HSF2BP: variants seen among roughly 807,000 people sequenced by gnomAD.
The protein encoded by HSF2BP is heat shock factor 2-binding protein.
In HSF2BP, 35 loss-of-function variants were observed where a neutral mutation model predicts 35.0. The observed-to-expected ratio is 1.00, with a 90% CI of 0.76 to 1.32. HSF2BP has a LOEUF of 1.32. Ranked by LOEUF, HSF2BP falls within the 40% of genes most tolerant of loss-of-function variation. HSF2BP has a pLI of 0.00. For missense variants in HSF2BP, 326 were observed against 321.7 expected (o/e 1.01, Z -0.10); for synonymous variants, 114 against 117.4 (o/e 0.97, Z 0.18).
At chr21:43,609,831 C>A (rs763167598) in intron 7 of HSF2BP, 1 of 152,300 alleles carries the variant, frequency 6.6e-6, no homozygotes, top group Non-Finnish European at 1.5e-5. Flanking sequence ...AGGGTAAACA[C>A]GCGGCTTTGC....
intron 5 of HSF2BP, among the ~76,000 whole-genome samples, chr21:43,630,862 A>C (rs1285243253): frequency 6.6e-6 from 1 of 152,206 alleles, no homozygotes; most frequent in Non-Finnish European, 1.5e-5. Context: ...AGAGGTAAAG[A>C]CTGGCTCCTC....
At chr21:43,582,203 T>C (rs1365856230) in intron 8 of HSF2BP, among the ~76,000 whole-genome samples, 1 of 99,006 alleles carries the variant, frequency 1.0e-5, no homozygotes, top group Non-Finnish European at 2.0e-5. Context: ...GATGAGGGCC[T>C]GCTGTGGGGG....
intron 3 of HSF2BP, among the ~76,000 whole-genome samples, chr21:43,651,329 G>C (rs75971948): frequency 0.015 from 2,253 of 152,166 alleles, 29 homozygotes; most frequent in Non-Finnish European, 0.022. Context: ...AGATGATCCT[G>C]TATCTCCATA....
At chr21:43,656,931 A>C (rs1450113621) in intron 2 of HSF2BP, among the ~76,000 whole-genome samples, 194 bp from the exon 3 acceptor site, 1 of 152,218 alleles carries the variant, frequency 6.6e-6, no homozygotes, top group Non-Finnish European at 1.5e-5. Context: ...TTCAGCCTTC[A>C]AAAAGGGAGC....
chr21:43,620,296 C>T (rs1244304063), intron 6 of HSF2BP, among the ~76,000 whole-genome samples: 3 of 152,110 alleles, frequency 2.0e-5, no homozygotes, highest in Admixed American at 6.5e-5. Flanking sequence ...AGCTCTCTGA[C>T]CAAGAATTCA....
chr21:43,623,477 TA>T (rs1404869011), intron 6 of HSF2BP, among the ~76,000 whole-genome samples: 3 of 151,916 alleles, frequency 2.0e-5, no homozygotes, highest in Non-Finnish European at 2.9e-5. Flanking sequence ...TACATGAAAT[TA>T]AAACTAAAAA....
chr21:43,578,257 T>A (rs1259053063), intron 8 of HSF2BP, among the ~76,000 whole-genome samples: 2 of 152,088 alleles, frequency 1.3e-5, no homozygotes, highest in African/African-American at 4.8e-5. Flanking sequence ...CACATTAGGA[T>A]CCTTCAGAGA....
intron 3 of HSF2BP, 22 bp from the exon 4 acceptor site, chr21:43,644,414 AC>A: frequency 6.3e-7 from 1 of 1,587,262 alleles, no homozygotes; most frequent in East Asian, 2.2e-5. Context: ...ACATAAAATT[AC>A]TCAAGATATT....
At chr21:43,613,585 T>C (rs565501801) in intron 7 of HSF2BP, among the ~76,000 whole-genome samples, 3 of 152,198 alleles carry the variant, frequency 2.0e-5, no homozygotes, top group Non-Finnish European at 4.4e-5. Context: ...GACATACCCA[T>C]GAAGTACCAT....
At chr21:43,600,744 A>G (rs1015971179) in intron 7 of HSF2BP, among the ~76,000 whole-genome samples, 2 of 151,934 alleles carry the variant, frequency 1.3e-5, no homozygotes, top group Non-Finnish European at 2.9e-5. Flanking sequence ...TACAATACCC[A>G]CCTCCCTGGT....
At chr21:43,600,495 A>G (rs960636045) in intron 7 of HSF2BP, among the ~76,000 whole-genome samples, 1 of 152,248 alleles carries the variant, frequency 6.6e-6, no homozygotes, top group African/African-American at 2.4e-5. Flanking sequence ...CAATTGGCAC[A>G]GCAATATTAC....
intron 3 of HSF2BP, among the ~76,000 whole-genome samples, chr21:43,650,600 C>T (rs2082771119): frequency 6.6e-6 from 1 of 151,004 alleles, no homozygotes; most frequent in Non-Finnish European, 1.5e-5. Flanking sequence ...GAATAAAGCA[C>T]AAGAAGGGAT....
chr21:43,640,604 G>A (rs1372555887), intron 4 of HSF2BP, among the ~76,000 whole-genome samples: 2 of 152,196 alleles, frequency 1.3e-5, no homozygotes, highest in African/African-American at 2.4e-5. Context: ...GGTGAAACCT[G>A]AAAGTTGTTA....
intron 6 of HSF2BP, among the ~76,000 whole-genome samples, chr21:43,625,345 C>CA (rs57894551): frequency 2.4e-4 from 36 of 150,718 alleles, no homozygotes; most frequent in Middle Eastern, 3.4e-3. Flanking sequence ...TACAAGGCAG[C>CA]AAAAAAAATA....
At chr21:43,619,282 T>C (rs28840140) in intron 6 of HSF2BP, among the ~76,000 whole-genome samples, 92,864 of 152,056 alleles carry the variant, frequency 0.61, 28,673 homozygotes, top group East Asian at 0.79. Flanking sequence ...ATCATATCTC[T>C]GATAAGGTAC....
chr21:43,641,083 C>T (rs1217592090), intron 4 of HSF2BP, among the ~76,000 whole-genome samples: 3 of 152,198 alleles, frequency 2.0e-5, no homozygotes, highest in Non-Finnish European at 4.4e-5. Flanking sequence ...AGCTCCGCCT[C>T]CCAGGTTCAC....
chr21:43,649,826 A>G (rs1363278818), intron 3 of HSF2BP, among the ~76,000 whole-genome samples: 1 of 152,234 alleles, frequency 6.6e-6, no homozygotes, highest in African/African-American at 2.4e-5. Context: ...CAATCAAGGA[A>G]AGCAAAGAAT....
chr21:43,609,337 T>C (rs376314448), intron 7 of HSF2BP, among the ~76,000 whole-genome samples: 1 of 152,262 alleles, frequency 6.6e-6, no homozygotes, highest in Non-Finnish European at 1.5e-5. Context: ...GTACTATATC[T>C]ACTATCTGAG....
intron 8 of HSF2BP, among the ~76,000 whole-genome samples, chr21:43,587,579 C>T (rs1445485497): frequency 6.7e-6 from 1 of 149,470 alleles, no homozygotes; most frequent in Non-Finnish European, 1.5e-5. Flanking sequence ...GCAGGAGAAT[C>T]GCTTGAAGCC....
Sources: allele counts gnomAD v4.1 joint callset (sites outside exome capture counted in the v4.1 genomes callset), GRCh38; gene constraint gnomAD v4.1.1; transcripts MANE v1.5; gene names NCBI Gene and HGNC (gene_info 2026-07-23, HGNC 2026-07-21).